SNX14: variants seen among roughly 807,000 people sequenced by gnomAD.
SNX14 encodes sorting nexin 14.
SNX14 carries 93 observed loss-of-function variants against 133.8 expected under a neutral mutation model. The observed-to-expected ratio is 0.70, with a 90% CI of 0.59 to 0.83. The LOEUF is 0.83. SNX14 is among the 40% of genes least tolerant of loss of function. The pLI is 0.00. For synonymous variants in SNX14, 368 were observed against 365.6 expected (o/e 1.01, Z -0.07); for missense variants, 945 against 1,094.9 (o/e 0.86, Z 1.93).
chr6:85,567,580 G>A lies in SNX14; in HGVS notation c.418-3C>T, dbSNP rs756822877. 1.2e-5 allele frequency: 18 copies of A among 1,500,770 alleles called. No homozygotes were observed. The African/African-American group carries it at 1.9e-4, about 16-fold the overall frequency. 93.0% of individuals were successfully genotyped at this position (1,500,770 alleles called of 1,614,324 possible). On this transcript the variant is annotated splice_region_variant and splice_polypyrimidine_tract_variant and intron_variant, in intron 4 of 28. Coordinates refer to ENST00000314673, the MANE Select transcript of SNX14 (RefSeq NM_153816.6). ...TTTTCCAACACTAATTCAAGAACCT[G>A]CATAAACAATTATTTTTTAAAGAAA... is the stretch of plus-strand genomic sequence containing the variant.
Position 85,558,070 on chromosome 6 carries a change from T to C in SNX14, c.550-10A>G, listed in dbSNP as rs756144889. 3.5e-6 allele frequency: 5 copies of C among 1,410,494 alleles called. No individual in the cohort carries two copies. In the South Asian group the frequency reaches 6.0e-5, roughly 17 times the overall value. The allele number at this position is 1,410,494 out of a possible 1,614,324, so 87.4% of individuals were successfully genotyped here. A position where few individuals can be genotyped will look rare whatever the true frequency, so the allele number is the denominator to read the frequency against. ...TAGATGGAATATCCACCTAGAAAAA[T>C]TCAAGATTAAAACTTTTAAAATAAT... On this transcript the variant is annotated splice_polypyrimidine_tract_variant and intron_variant, in intron 6 of 28. Transcript: ENST00000314673.
At position 85,572,278 on chromosome 6, in the gene SNX14, TA is replaced by T. The variant is rs1257138491; in HGVS notation, c.338+19del. On this transcript the variant is annotated intron_variant, in intron 3 of 28. Coordinates refer to ENST00000314673, the MANE Select transcript of SNX14 (RefSeq NM_153816.6). ...AAATGTAATTAGAAGGATCAACAAATAAAAAAATATTTAACTTACCTATGTC... is the reference window on the plus strand; with the variant it reads ...AAATGTAATTAGAAGGATCAACAAATAAAAAATATTTAACTTACCTATGTC... 1.4e-5 allele frequency: 23 copies of T among 1,611,322 alleles called. No homozygotes were observed. The highest frequency in any genetic ancestry group is 1.8e-5 in the Non-Finnish European group (21 of 1,178,450).
At position 85,522,495 on chromosome 6, in the gene SNX14, G is replaced by A. The variant is rs746649547; in HGVS notation, c.2107+3631C>T. Among the ~76,000 whole-genome samples, 5 of 152,080 alleles carry A rather than the reference G, an allele frequency of 3.3e-5. No homozygotes were observed. The South Asian group carries it at 8.3e-4, about 25-fold the overall frequency. ...TAAATTTACATCTTTACAATATTGC[G>A]GTTTCTAAACAATGAATACGATTTC... is the stretch of plus-strand genomic sequence containing the variant. On this transcript the variant is annotated intron_variant, in intron 21 of 28. Transcript: ENST00000314673.
In SNX14 at chr6:85,543,169, T is replaced by G. The variant is rs1252744167; in HGVS notation, c.1389+13A>C. On this transcript the variant is annotated intron_variant, in intron 14 of 28. Coordinates refer to ENST00000314673, the MANE Select transcript of SNX14 (RefSeq NM_153816.6). ...TATAAAAATCCTCAAACAAGGTTAA[T>G]ATTTTGACTTACCTCATCACTATGG... 7 of 1,525,106 alleles carry G rather than the reference T, an allele frequency of 4.6e-6. No homozygotes were observed. In the East Asian group the frequency reaches 1.7e-4, roughly 37 times the overall value. The allele number at this position is 1,525,106 out of a possible 1,614,324, so 94.5% of individuals were successfully genotyped here. A position where few individuals can be genotyped will look rare whatever the true frequency, so the allele number is the denominator to read the frequency against.
At chr6:85,513,412 C>T (rs1773646886) in intron 26 of SNX14, among the ~76,000 whole-genome samples, 1 of 152,124 alleles carries the variant, frequency 6.6e-6, no homozygotes. Flanking sequence ...TTGCATAGTG[C>T]CTGGAATATG....
chr6:85,505,625 T>C lies in SNX14; in HGVS notation c.*342A>G, dbSNP rs9351062. ...AAGAAAATCAGATCTTATTCCTGTT[T>C]CTCCATACTAGGCATAATTATTTTC... On this transcript the variant is annotated 3_prime_UTR_variant, in exon 29 of 29. Coordinates refer to ENST00000314673, the MANE Select transcript of SNX14 (RefSeq NM_153816.6). The C allele has an allele frequency of 1.5e-3, 312 of 211,516 alleles. 9 individuals carry two copies. The East Asian group carries it at 0.035, about 24-fold the overall frequency. 13.1% of individuals were successfully genotyped at this position (211,516 alleles called of 1,614,324 possible).
chr6:85,574,785 T>C (rs753966200), intron 1 of SNX14, among the ~76,000 whole-genome samples: 2 of 152,204 alleles, frequency 1.3e-5, no homozygotes, highest in Non-Finnish European at 2.9e-5. Flanking sequence ...AGTGAGGAAC[T>C]GCACTGCATA....
intron 23 of SNX14, among the ~76,000 whole-genome samples, chr6:85,516,632 C>T (rs1392340845): frequency 0.016 from 2,083 of 126,490 alleles, 57 homozygotes; most frequent in African/African-American, 0.061. Flanking sequence ...CTTCCTTAAT[C>T]TTTTTTTTTT....
intron 17 of SNX14, among the ~76,000 whole-genome samples, chr6:85,535,560 G>A (rs868707332): frequency 2.8e-5 from 4 of 141,994 alleles, no homozygotes; most frequent in Non-Finnish European, 6.0e-5. Context: ...AGCTGAGATC[G>A]TGCCATTGCA....
chr6:85,505,864 G>C lies in SNX14; in HGVS notation c.*103C>G. ...CAAAAAATAACTAAAATTTCAGACA[G>C]CGATGTACATAATATATATAAGAAT... On this transcript the variant is annotated 3_prime_UTR_variant, in exon 29 of 29. Transcript: ENST00000314673. 1.4e-6 allele frequency: 1 copy of C among 739,438 alleles called. No homozygotes were observed. The highest frequency in any genetic ancestry group is 1.6e-5 in the South Asian group (1 of 61,256). 45.8% of individuals were successfully genotyped at this position (739,438 alleles called of 1,614,324 possible). A position where few individuals can be genotyped will look rare whatever the true frequency, so the allele number is the denominator to read the frequency against.
Position 85,507,296 on chromosome 6 carries a change from C to A in SNX14, c.2746-7G>T, listed in dbSNP as rs374831368. 3.6e-5 allele frequency: 58 copies of A among 1,601,864 alleles called. No homozygotes were observed. Among genetic ancestry groups the A allele is most frequent in the Non-Finnish European group, 4.8e-5 (56 of 1,174,566 alleles). ...CCAATAAAACATAAGTCAGCTAAAG[C>A]ACCAAAAAATAATAATAATAAATGT... On this transcript the variant is annotated splice_region_variant and splice_polypyrimidine_tract_variant and intron_variant, in intron 27 of 28. Transcript: ENST00000314673.
intron 23 of SNX14, among the ~76,000 whole-genome samples, chr6:85,516,455 A>G (rs376435879): frequency 1.3e-5 from 2 of 152,172 alleles, no homozygotes; most frequent in East Asian, 1.9e-4. Context: ...AAATCTTCCT[A>G]CAAACAAAAC....
Position 85,593,706 on chromosome 6 carries a change from C to T in SNX14, c.13G>A (p.Val5Met). 1 of 1,613,704 alleles carries T rather than the reference C, an allele frequency of 6.2e-7. No homozygotes were observed. MVPW[V>M]RTMGQKLKQR... ...TTCAGCTTCTGCCCCATCGTCCGCA[C>T]CCAGGGCACCATCTCCGTAACGGCG... Residue 5 changes from valine (V) to methionine (M), a missense_variant, in exon 1 of 29, where the codon GTG becomes ATG. Transcript: ENST00000314673.
intron 15 of SNX14, among the ~76,000 whole-genome samples, chr6:85,540,194 T>C (rs1329203184): frequency 1.3e-5 from 2 of 152,180 alleles, no homozygotes; most frequent in South Asian, 2.1e-4. Flanking sequence ...ACTCCTGACC[T>C]GAGGTGATCT....
chr6:85,508,548 G>C (rs1392217030), intron 26 of SNX14: 1 of 244,278 alleles, frequency 4.1e-6, no homozygotes, highest in Admixed American at 6.5e-5. Context: ...TATTTTCATA[G>C]TGCTCTTAAT....
chr6:85,558,663 C>T (rs1408283795), intron 6 of SNX14, among the ~76,000 whole-genome samples: 1 of 151,962 alleles, frequency 6.6e-6, no homozygotes, highest in African/African-American at 2.4e-5. Context: ...GGGGTTTCGC[C>T]ATGTTGCCCA....
chr6:85,505,913 C>A lies in SNX14; in HGVS notation c.*54G>T. On this transcript the variant is annotated 3_prime_UTR_variant, in exon 29 of 29. Coordinates refer to ENST00000314673, the MANE Select transcript of SNX14 (RefSeq NM_153816.6). ...ATATACCCAAAAAAGTAAATTTCTACCACCCTCGCACAGCAGAAATTTCAA... is the reference window on the plus strand; with the variant it reads ...ATATACCCAAAAAAGTAAATTTCTAACACCCTCGCACAGCAGAAATTTCAA... 1.6e-6 allele frequency: 2 copies of A among 1,257,186 alleles called. No homozygotes were observed. Among genetic ancestry groups the A allele is most frequent in the Non-Finnish European group, 2.3e-6 (2 of 860,154 alleles). The allele number at this position is 1,257,186 out of a possible 1,614,324, so 77.9% of individuals were successfully genotyped here.
At chr6:85,526,283 G>A in intron 20 of SNX14, 46 bp from the exon 21 acceptor site, 2 of 1,167,062 alleles carry the variant, frequency 1.7e-6, no homozygotes, top group Non-Finnish European at 2.5e-6. Context: ...GAAATCTAGA[G>A]GAGTAGTCAA....
intron 18 of SNX14, among the ~76,000 whole-genome samples, chr6:85,532,669 C>G (rs753737019): frequency 1.3e-5 from 2 of 152,066 alleles, no homozygotes; most frequent in African/African-American, 2.4e-5. Flanking sequence ...CACTCACTGC[C>G]CCACTTCTTG....
Sources: gnomAD v4.1 joint callset for allele counts (sites outside exome capture counted in the v4.1 genomes callset) on GRCh38, gnomAD v4.1.1 for gene constraint, MANE v1.5 for transcripts, NCBI Gene and HGNC (gene_info 2026-07-23, HGNC 2026-07-21) for gene names.